FTO: variants seen among roughly 807,000 people sequenced by gnomAD.
FTO encodes the protein FTO alpha-ketoglutarate dependent dioxygenase, also known as alpha-ketoglutarate-dependent dioxygenase FTO.
A neutral mutation model predicts 63.9 loss-of-function variants in FTO; 47 were observed. The observed-to-expected ratio is 0.74, with a 90% CI of 0.58 to 0.94. The LOEUF (loss-of-function observed/expected upper bound fraction) is 0.94. FTO is among the 40% of genes least tolerant of loss of function. FTO has a pLI of 0.00. For missense variants in FTO, 562 were observed against 618.1 expected (o/e 0.91, Z 0.96); for synonymous variants, 207 against 224.4 (o/e 0.92, Z 0.69).
intron 1 of FTO, among the ~76,000 whole-genome samples, chr16:53,789,871 T>TCC: frequency 6.4e-5 from 1 of 15,586 alleles, no homozygotes; most frequent in Non-Finnish European, 1.1e-4. Flanking sequence ...TATGTATATA[T>TCC]ATACAAATTA....
intron 7 of FTO, among the ~76,000 whole-genome samples, chr16:53,929,966 G>A (rs374301356): frequency 7.9e-5 from 12 of 152,298 alleles, no homozygotes; most frequent in African/African-American, 2.9e-4. Flanking sequence ...GTGATGCTAG[G>A]TGGCACTTGG....
intron 7 of FTO, among the ~76,000 whole-genome samples, chr16:53,918,078 G>A (rs949839156): frequency 2.0e-5 from 3 of 152,188 alleles, no homozygotes; most frequent in Non-Finnish European, 2.9e-5. Flanking sequence ...AGAGTGGGCC[G>A]GGTTTGTGGT....
chr16:53,994,553 G>A (rs930926880), intron 8 of FTO: 2 of 152,038 alleles, frequency 1.3e-5, no homozygotes, highest in Admixed American at 1.3e-4. Context: ...TGTAGAGACA[G>A]GGTTTCACTG....
chr16:53,920,465 G>T (rs915974579), intron 7 of FTO, among the ~76,000 whole-genome samples: 1 of 152,184 alleles, frequency 6.6e-6, no homozygotes, highest in Non-Finnish European at 1.5e-5. Context: ...TTGAGTTTTT[G>T]TACTGTCCAG....
Position 53,751,451 on chromosome 16 carries a change from C to T in FTO, c.45+47222C>T, listed in dbSNP as rs542248418. On this transcript the variant is annotated intron_variant, in intron 1 of 8. Coordinates refer to ENST00000471389, the MANE Select transcript of FTO (RefSeq NM_001080432.3). ...CCAGCCTGGGCTACAGAGCGAGACT[C>T]CATCTCAAAAAAAAAAATTTAAAAA... Among the ~76,000 whole-genome samples the T allele has an allele frequency of 2.0e-5, 3 of 151,852 alleles. No homozygotes were observed. In the South Asian group the frequency reaches 6.2e-4, roughly 32 times the overall value.
intron 8 of FTO, among the ~76,000 whole-genome samples, chr16:54,090,276 A>G (rs536925914): frequency 4.8e-4 from 73 of 152,356 alleles, no homozygotes; most frequent in African/African-American, 1.5e-3. Flanking sequence ...GAAATAAGCC[A>G]AACACAAAGG....
intron 8 of FTO, among the ~76,000 whole-genome samples, chr16:53,970,644 G>A (rs1567484206): frequency 6.6e-6 from 1 of 151,902 alleles, no homozygotes; most frequent in Non-Finnish European, 1.5e-5. Context: ...GGATGGTGGT[G>A]GGTATGGCAA....
At chr16:54,009,915 G>C (rs1239916583) in intron 8 of FTO, among the ~76,000 whole-genome samples, 2 of 152,176 alleles carry the variant, frequency 1.3e-5, no homozygotes, top group African/African-American at 4.8e-5. Flanking sequence ...TGTCGGGGTT[G>C]AAGGTTCAGC....
chr16:54,022,600 G>A (rs1293239683), intron 8 of FTO, among the ~76,000 whole-genome samples: 4 of 152,150 alleles, frequency 2.6e-5, no homozygotes, highest in East Asian at 1.9e-4. Context: ...CTCAAGTGAC[G>A]GCTTGTCAAT....
chr16:54,069,833 TG>T (rs1169848331), intron 8 of FTO: 2 of 152,152 alleles, frequency 1.3e-5, no homozygotes, highest in African/African-American at 4.8e-5. Flanking sequence ...GTAAATCCAG[TG>T]GGGGTTGTGC....
chr16:53,719,643 T>A (rs1210355891), intron 1 of FTO, among the ~76,000 whole-genome samples: 7 of 151,622 alleles, frequency 4.6e-5, no homozygotes, highest in African/African-American at 7.2e-5. Flanking sequence ...TTTTTTTTTT[T>A]TTTTTTTAAA....
At chr16:53,984,821 A>G in intron 8 of FTO, 4 of 416,946 alleles carry the variant, frequency 9.6e-6, no homozygotes, top group Middle Eastern at 3.7e-4. Flanking sequence ...GATTATTTTA[A>G]TTATTTTAAT....
intron 3 of FTO, among the ~76,000 whole-genome samples, chr16:53,829,653 A>AT (rs1218381773): frequency 6.6e-6 from 1 of 152,098 alleles, no homozygotes; most frequent in Non-Finnish European, 1.5e-5. Flanking sequence ...AGAGAATTGT[A>AT]TTTTTTTCTG....
intron 5 of FTO, among the ~76,000 whole-genome samples, chr16:53,874,845 C>T (rs1413422041): frequency 6.6e-6 from 1 of 152,184 alleles, no homozygotes; most frequent in Admixed American, 6.5e-5. Flanking sequence ...TTCTCTTTTC[C>T]ATTCACTCAT....
intron 7 of FTO, among the ~76,000 whole-genome samples, chr16:53,919,320 G>A (rs538174460): frequency 6.6e-5 from 10 of 152,158 alleles, no homozygotes; most frequent in South Asian, 2.1e-4. Flanking sequence ...AGAAAGTGTC[G>A]AGGTTAAGAG....
At chr16:54,095,364 A>G (rs114595611) in intron 8 of FTO, among the ~76,000 whole-genome samples, 2,467 of 151,680 alleles carry the variant, frequency 0.016, 40 homozygotes, top group African/African-American at 0.047. Flanking sequence ...ATTCTCACTT[A>G]CAATACCCTT....
rs142891280 is a variant in FTO, at chr16:54,028,060, G to T, written c.1365-83702G>T. Among the ~76,000 whole-genome samples, 967 of 152,136 alleles carry T rather than the reference G, an allele frequency of 6.4e-3. 11 individuals carry two copies. The highest frequency in any genetic ancestry group is 0.011 in the Non-Finnish European group (748 of 67,982). ...TCGGGCAAAGCAACTAGTACACATT[G>T]TTAGATAAAGTATCTTATCTGTCAG... On this transcript the variant is annotated intron_variant, in intron 8 of 8. Coordinates refer to ENST00000471389, the MANE Select transcript of FTO (RefSeq NM_001080432.3).
chr16:53,932,230 A>G (rs2082301336), intron 7 of FTO, among the ~76,000 whole-genome samples: 1 of 152,152 alleles, frequency 6.6e-6, no homozygotes, highest in African/African-American at 2.4e-5. Flanking sequence ...ATCTTCCAGC[A>G]CAGTAGATGG....
intron 3 of FTO, among the ~76,000 whole-genome samples, chr16:53,830,998 A>G (rs962278414): frequency 2.0e-5 from 3 of 152,220 alleles, no homozygotes; most frequent in Non-Finnish European, 4.4e-5. Context: ...GCTGGAAAGT[A>G]GAGACTTTGC....
Sources: allele counts gnomAD v4.1 joint callset (sites outside exome capture counted in the v4.1 genomes callset), GRCh38; gene constraint gnomAD v4.1.1; transcripts MANE v1.5; gene names NCBI Gene and HGNC (gene_info 2026-07-23, HGNC 2026-07-21).